Variants in AGK observed in about 807,000 individuals in gnomAD.
AGK encodes acylglycerol kinase, also known as acylglycerol kinase, mitochondrial.
AGK carries 52 observed loss-of-function variants against 66.4 expected under a neutral mutation model. The observed-to-expected ratio is 0.78, with a 90% CI of 0.63 to 0.99. The LOEUF (loss-of-function observed/expected upper bound fraction) is 0.99. Among genes scored for constraint, AGK ranks in the 50% least tolerant of loss-of-function variants. The pLI, the probability that AGK is intolerant of heterozygous loss-of-function variation, is 0.00. For missense variants in AGK, 451 were observed against 506.6 expected (o/e 0.89, Z 1.05); for synonymous variants, 182 against 181.1 (o/e 1.00, Z -0.04).
chr7:141,571,291 C>T (rs369668996), intron 2 of AGK, among the ~76,000 whole-genome samples: 7 of 152,238 alleles, frequency 4.6e-5, no homozygotes, highest in African/African-American at 1.4e-4. Context: ...TGATTAGATC[C>T]ACATTCTGGA....
chr7:141,627,653 A>C (rs561698660), intron 9 of AGK, among the ~76,000 whole-genome samples: 24 of 152,220 alleles, frequency 1.6e-4, no homozygotes, highest in Non-Finnish European at 4.4e-5. Context: ...ATCTTTTAGC[A>C]TATAATAAAG....
chr7:141,606,392 G>A (rs748317432), intron 5 of AGK, among the ~76,000 whole-genome samples: 1 of 152,176 alleles, frequency 6.6e-6, no homozygotes, highest in Non-Finnish European at 1.5e-5. Context: ...CTCAAGCTCA[G>A]AGTCTTTTGT....
intron 2 of AGK, among the ~76,000 whole-genome samples, chr7:141,588,934 T>C (rs1025833262): frequency 6.6e-6 from 1 of 152,166 alleles, no homozygotes; most frequent in Non-Finnish European, 1.5e-5. Flanking sequence ...TAGAGATCAC[T>C]CTCATCGCCA....
chr7:141,613,990 A>G (rs1796653098), intron 6 of AGK, among the ~76,000 whole-genome samples, 156 bp from the exon 7 acceptor site: 1 of 152,180 alleles, frequency 6.6e-6, no homozygotes, highest in African/African-American at 2.4e-5. Flanking sequence ...ATTCTATTGG[A>G]GAATACTATA....
intron 13 of AGK, among the ~76,000 whole-genome samples, chr7:141,643,103 TAA>T (rs1189483826): frequency 5.3e-5 from 8 of 152,204 alleles, no homozygotes; most frequent in Non-Finnish European, 1.0e-4. Context: ...AATAGAGTGA[TAA>T]GTTTGATTCT....
At chr7:141,630,368 G>A (rs1797029149) in intron 9 of AGK, among the ~76,000 whole-genome samples, 1 of 152,088 alleles carries the variant, frequency 6.6e-6, no homozygotes, top group African/African-American at 2.4e-5. Context: ...GGTGACTATA[G>A]TTGATAATAA....
At chr7:141,650,388 C>T (rs1797526328) in intron 14 of AGK, 1 of 383,586 alleles carries the variant, frequency 2.6e-6, no homozygotes, top group African/African-American at 2.2e-5. Flanking sequence ...ATAGAGACCC[C>T]AATTCTATTG....
At chr7:141,623,862 C>T (rs1796879759) in intron 9 of AGK, among the ~76,000 whole-genome samples, 1 of 152,114 alleles carries the variant, frequency 6.6e-6, no homozygotes, top group Non-Finnish European at 1.5e-5. Context: ...GGCTGACTCT[C>T]ATGTTAAAAA....
intron 2 of AGK, among the ~76,000 whole-genome samples, chr7:141,577,123 C>G (rs1378782044): frequency 6.6e-6 from 1 of 152,138 alleles, no homozygotes; most frequent in African/African-American, 2.4e-5. Context: ...TCAGCCAGGG[C>G]ACTCTAAAAT....
At chr7:141,643,691 C>T (rs1797340378) in intron 13 of AGK, among the ~76,000 whole-genome samples, 1 of 152,072 alleles carries the variant, frequency 6.6e-6, no homozygotes, top group South Asian at 2.1e-4. Context: ...TGATTATTTA[C>T]TACATGTGAG....
At chr7:141,572,379 A>C (rs1350730644) in intron 2 of AGK, among the ~76,000 whole-genome samples, 1 of 152,230 alleles carries the variant, frequency 6.6e-6, no homozygotes, top group East Asian at 1.9e-4. Flanking sequence ...AGTGTGAATA[A>C]TACATGAGCA....
intron 13 of AGK, among the ~76,000 whole-genome samples, chr7:141,648,120 TCTC>T (rs1199578329): frequency 1.3e-5 from 2 of 152,146 alleles, no homozygotes; most frequent in Non-Finnish European, 2.9e-5. Flanking sequence ...CTCCAAGGCT[TCTC>T]CACGGGACCC....
chr7:141,651,571 T>A lies in AGK; in HGVS notation c.1093T>A (p.Cys365Ser). The change falls in exon 15 of 16, where the codon TGT becomes AGT. Residue 365 changes from cysteine (C) to serine (S), a missense_variant. Cys to Ser is a moderately radical substitution (Grantham distance 112, BLOSUM62 -1). Coordinates refer to ENST00000649286, the MANE Select transcript of AGK (RefSeq NM_018238.4). ...CAAGCTGCACGTGGAGGGCACGGAGTGTCTCCAAGCCAGCCAGTGCACTTT... is the reference window on the plus strand; with the variant it reads ...CAAGCTGCACGTGGAGGGCACGGAGAGTCTCCAAGCCAGCCAGTGCACTTT... ...NPKLHVEGTE[C>S]LQASQCTLLI... 6.2e-6 allele frequency: 10 copies of A among 1,614,018 alleles called. No individual in the cohort carries two copies. Among genetic ancestry groups the A allele is most frequent in the Non-Finnish European group, 8.5e-6 (10 of 1,179,988 alleles).
chr7:141,553,269 T>C (rs1795138320), intron 1 of AGK, among the ~76,000 whole-genome samples: 1 of 152,144 alleles, frequency 6.6e-6, no homozygotes, highest in Non-Finnish European at 1.5e-5. Context: ...GAAGGCTCTA[T>C]CTCCTAATAC....
Position 141,649,114 on chromosome 7 carries a change from T to C in AGK, c.976-149T>C, listed in dbSNP as rs34674475. ...TTTGTGAAAAAAAAAAAAAAAAAGATTGAAAATAGGTTTGGAATTAAATCA... is the reference window on the plus strand; with the variant it reads ...TTTGTGAAAAAAAAAAAAAAAAAGACTGAAAATAGGTTTGGAATTAAATCA... On this transcript the variant is annotated intron_variant, in intron 13 of 15. Transcript: ENST00000649286. The C allele has an allele frequency of 0.056, 22,964 of 410,138 alleles. 1,894 individuals are homozygous for C. The highest frequency in any genetic ancestry group is 0.26 in the African/African-American group (12,119 of 46,544). 25.4% of individuals were successfully genotyped at this position (410,138 alleles called of 1,614,324 possible).
chr7:141,565,382 G>A (rs1795445905), intron 2 of AGK, among the ~76,000 whole-genome samples: 1 of 152,128 alleles, frequency 6.6e-6, no homozygotes, highest in Non-Finnish European at 1.5e-5. Context: ...TAGGCTTGGT[G>A]GCTCACACCT....
chr7:141,632,572 C>T (rs192667111), intron 9 of AGK, among the ~76,000 whole-genome samples: 8 of 152,326 alleles, frequency 5.3e-5, no homozygotes, highest in South Asian at 2.1e-4. Context: ...CTTCTAACTA[C>T]TGGGATACTA....
At chr7:141,574,453 G>A (rs1453493279) in intron 2 of AGK, among the ~76,000 whole-genome samples, 2 of 152,284 alleles carry the variant, frequency 1.3e-5, no homozygotes, top group Admixed American at 1.3e-4. Context: ...GCGGAGACCT[G>A]AGGCTAGGAT....
At position 141,649,331 on chromosome 7, in the gene AGK, A is replaced by G; in HGVS notation, c.1044A>G (p.Ile348Met). Residue 348 changes from isoleucine (I) to methionine (M), a missense_variant and splice_region_variant, in exon 14 of 16, where the codon ATA becomes ATG. Ile to Met is a conservative substitution (Grantham distance 10). Transcript: ENST00000649286. ...TCAGCAAAGGAGACTTTATAACTAT[A>G]GGGTAAGTGGACTGGGGTTCACAGG... Reference protein sequence around the residue: ...DTISKGDFITIGSRKVRNPKL... With the variant: ...DTISKGDFITMGSRKVRNPKL... 6.2e-7 allele frequency: 1 copy of G among 1,609,032 alleles called. No individual in the cohort carries two copies. Among genetic ancestry groups the G allele is most frequent in the East Asian group, 2.2e-5 (1 of 44,802 alleles).
Sources: gnomAD v4.1 joint callset for allele counts (sites outside exome capture counted in the v4.1 genomes callset) on GRCh38, gnomAD v4.1.1 for gene constraint, MANE v1.5 for transcripts, NCBI Gene and HGNC (gene_info 2026-07-23, HGNC 2026-07-21) for gene names.